Variants in SCHIP1 observed in about 807,000 individuals in gnomAD.
SCHIP1 encodes the protein schwannomin-interacting protein 1.
SCHIP1 carries 8 observed loss-of-function variants against 29.7 expected under a neutral mutation model. That is an observed-to-expected ratio of 0.27 (90% CI 0.16 to 0.49). SCHIP1 has a LOEUF of 0.49. Among genes scored for constraint, SCHIP1 ranks in the 20% least tolerant of loss-of-function variants. SCHIP1 has a pLI of 0.99. For missense variants in SCHIP1, 193 were observed against 294.6 expected (o/e 0.66, Z 2.52); for synonymous variants, 76 against 94.9 (o/e 0.80, Z 1.16).
chr3:159,450,212 G>C, the SCHIP1 span, among the ~76,000 whole-genome samples: 1 of 152,088 alleles, frequency 6.6e-6, no homozygotes, highest in African/African-American at 2.4e-5. Context: ...CATGTTTTTG[G>C]TGGACAGTAA....
At chr3:159,825,081 T>C in the SCHIP1 span, among the ~76,000 whole-genome samples, 1 of 152,224 alleles carries the variant, frequency 6.6e-6, no homozygotes, top group Non-Finnish European at 1.5e-5. Context: ...TTTACACTTA[T>C]CAATAGACTT....
chr3:159,819,536 A>C, the SCHIP1 span, among the ~76,000 whole-genome samples: 15 of 152,318 alleles, frequency 9.8e-5, no homozygotes, highest in East Asian at 2.1e-3. Context: ...CAGCATCACT[A>C]CTAAAAGTAA....
Position 159,888,954 on chromosome 3 carries a change from G to A in SCHIP1, c.589+11G>A. On this transcript the variant is annotated intron_variant, in intron 5 of 6. Transcript: ENST00000445224. ...ATTCCCAGATAGAAAGTAAGTGTAAGATATGCTTGAAAATAGGATATTCAA... is the reference window on the plus strand; with the variant it reads ...ATTCCCAGATAGAAAGTAAGTGTAAAATATGCTTGAAAATAGGATATTCAA... 6.2e-7 allele frequency: 1 copy of A among 1,612,722 alleles called. No homozygotes were observed. Among genetic ancestry groups the A allele is most frequent in the Non-Finnish European group, 8.5e-7 (1 of 1,179,538 alleles).
At chr3:159,704,937 T>C in the SCHIP1 span, among the ~76,000 whole-genome samples, 1 of 139,492 alleles carries the variant, frequency 7.2e-6, no homozygotes, top group African/African-American at 3.0e-5. Flanking sequence ...TCTTTCTTTC[T>C]TTCCTTTCTT....
intron 2 of SCHIP1, 43 bp from the exon 4 acceptor site, chr3:159,886,164 C>CA: frequency 6.2e-7 from 1 of 1,607,662 alleles, no homozygotes; most frequent in African/African-American, 1.3e-5. Flanking sequence ...AGCCAAATAA[C>CA]AAACAGCTAA....
chr3:159,343,541 G>A, the SCHIP1 span, among the ~76,000 whole-genome samples: 1 of 152,166 alleles, frequency 6.6e-6, no homozygotes, highest in Non-Finnish European at 1.5e-5. Flanking sequence ...CCTAAGGCAT[G>A]TTCTTTTGAT....
chr3:159,508,805 T>G, the SCHIP1 span, among the ~76,000 whole-genome samples: 18 of 152,346 alleles, frequency 1.2e-4, no homozygotes, highest in African/African-American at 4.3e-4. Flanking sequence ...TCCTGAGTTC[T>G]AGTTTGATTG....
At chr3:159,571,753 T>G in the SCHIP1 span, among the ~76,000 whole-genome samples, 2 of 152,340 alleles carry the variant, frequency 1.3e-5, no homozygotes, top group South Asian at 4.1e-4. Context: ...ATCTGTCTGG[T>G]CCTGGACTTT....
chr3:159,794,081 T>C, the SCHIP1 span, among the ~76,000 whole-genome samples: 2 of 152,208 alleles, frequency 1.3e-5, no homozygotes, highest in Non-Finnish European at 2.9e-5. Flanking sequence ...CCTTTTGCCA[T>C]GTGAAGTAGC....
At chr3:159,841,892 A>G (rs1185614619) in intron 1 of SCHIP1, among the ~76,000 whole-genome samples, 16 of 152,238 alleles carry the variant, frequency 1.1e-4, no homozygotes, top group African/African-American at 3.6e-4. Context: ...GGGATTTTAT[A>G]GTAGAACTAC....
exon 1 of SCHIP1, chr3:159,840,120 C>T: frequency 1.3e-6 from 2 of 1,532,338 alleles, no homozygotes; most frequent in Non-Finnish European, 1.7e-6. Context: ...GGATGCTCCG[C>T]GCCTGCCCTC....
At chr3:159,277,115 T>C in the SCHIP1 span, among the ~76,000 whole-genome samples, 1 of 152,140 alleles carries the variant, frequency 6.6e-6, no homozygotes, top group African/African-American at 2.4e-5. Flanking sequence ...GCTGTTTTAG[T>C]GCTCGATCTC....
chr3:159,799,728 A>C, the SCHIP1 span, among the ~76,000 whole-genome samples: 1 of 152,360 alleles, frequency 6.6e-6, no homozygotes, highest in African/African-American at 2.4e-5. Context: ...AGCCTGGCAC[A>C]CAGAAGTTTC....
chr3:159,275,860 G>A, the SCHIP1 span, among the ~76,000 whole-genome samples: 1 of 152,046 alleles, frequency 6.6e-6, no homozygotes, highest in Admixed American at 6.6e-5. Flanking sequence ...CATTCTGGTG[G>A]TAGCAGATGT....
chr3:159,696,925 T>C, the SCHIP1 span, among the ~76,000 whole-genome samples: 46 of 152,330 alleles, frequency 3.0e-4, no homozygotes, highest in African/African-American at 1.1e-3. Context: ...GACAGCAAGA[T>C]GGAGCAGTGA....
At chr3:159,813,415 C>T in the SCHIP1 span, among the ~76,000 whole-genome samples, 1 of 152,124 alleles carries the variant, frequency 6.6e-6, no homozygotes, top group African/African-American at 2.4e-5. Context: ...CAGTAGCTCA[C>T]ACCTGTAACC....
At chr3:159,434,767 C>T in the SCHIP1 span, among the ~76,000 whole-genome samples, 1 of 152,080 alleles carries the variant, frequency 6.6e-6, no homozygotes, top group Non-Finnish European at 1.5e-5. Context: ...TAATAAGTTG[C>T]AAGAGGAAAA....
chr3:159,746,715 C>T, the SCHIP1 span, among the ~76,000 whole-genome samples: 1 of 152,144 alleles, frequency 6.6e-6, no homozygotes, highest in East Asian at 1.9e-4. Flanking sequence ...TCCCTATATC[C>T]TGCAATATTC....
the SCHIP1 span, among the ~76,000 whole-genome samples, chr3:159,750,263 GTATATATATATA>G: frequency 8.4e-4 from 21 of 25,102 alleles, no homozygotes; most frequent in South Asian, 1.1e-3. Context: ...ATGTGTGTGT[GTATATATATATA>G]TATATATATA....
Sources: allele counts gnomAD v4.1 joint callset (sites outside exome capture counted in the v4.1 genomes callset), GRCh38; gene constraint gnomAD v4.1.1; transcripts MANE v1.5; gene names NCBI Gene and HGNC (gene_info 2026-07-23, HGNC 2026-07-21).